Variants in EEF1G observed in about 807,000 individuals in gnomAD.
EEF1G encodes the protein eukaryotic translation elongation factor 1 gamma.
A neutral mutation model predicts 58.3 loss-of-function variants in EEF1G; 14 were observed. That is an observed-to-expected ratio of 0.24 (90% CI 0.16 to 0.38). The LOEUF is 0.38. Ranked by LOEUF, EEF1G falls within the 10% of genes least tolerant of loss-of-function variation. The probability of loss-of-function intolerance (pLI) is 1.00; values close to 1 mark genes in which losing one functional copy is unlikely to be tolerated. For missense variants in EEF1G, 322 were observed against 550.1 expected (o/e 0.59, Z 4.15); for synonymous variants, 180 against 206.8 (o/e 0.87, Z 1.11).
chr11:62,563,158 GCT>G (rs940079692), intron 7 of EEF1G, among the ~76,000 whole-genome samples: 22 of 151,584 alleles, frequency 1.5e-4, no homozygotes, highest in African/African-American at 5.3e-4. Context: ...ACGGAGTCTA[GCT>G]CTGTTGCCCA....
intron 7 of EEF1G, 123 bp downstream of exon 7, chr11:62,566,683 A>G (rs1195035976): frequency 2.1e-6 from 2 of 944,328 alleles, no homozygotes; most frequent in African/African-American, 1.7e-5. Flanking sequence ...TGCAACTAAA[A>G]TATACCTTTA....
chr11:62,571,168 C>G, intron 4 of EEF1G, 60 bp from the exon 5 acceptor site: 1 of 1,610,202 alleles, frequency 6.2e-7, no homozygotes, highest in African/African-American at 1.3e-5. Flanking sequence ...CTCACCTCCC[C>G]CATTAATAGA....
At chr11:62,565,869 T>C (rs772040639) in intron 7 of EEF1G, among the ~76,000 whole-genome samples, 1 of 152,196 alleles carries the variant, frequency 6.6e-6, no homozygotes, top group Non-Finnish European at 1.5e-5. Context: ...ACAGCTACTG[T>C]GTCCCTACCA....
intron 4 of EEF1G, among the ~76,000 whole-genome samples, 161 bp downstream of exon 4, chr11:62,571,379 T>C (rs1192373569): frequency 6.6e-6 from 1 of 152,206 alleles, no homozygotes; most frequent in African/African-American, 2.4e-5. Context: ...ACTTCCTCCA[T>C]CAACTGCCCA....
intron 4 of EEF1G, 100 bp from the exon 5 acceptor site, chr11:62,571,208 T>G: frequency 6.5e-7 from 1 of 1,548,172 alleles, no homozygotes; most frequent in Non-Finnish European, 8.8e-7. Flanking sequence ...CCTAGAAGTC[T>G]GAGCTCACCC....
chr11:62,561,336 G>A (rs1425988090), intron 7 of EEF1G, among the ~76,000 whole-genome samples: 1 of 151,416 alleles, frequency 6.6e-6, no homozygotes, highest in Non-Finnish European at 1.5e-5. Flanking sequence ...CAGAGATCGC[G>A]CCACTGCACT....
chr11:62,573,679 C>A, intron 1 of EEF1G, 152 bp downstream of exon 1: 1 of 1,132,938 alleles, frequency 8.8e-7, no homozygotes, highest in South Asian at 1.3e-5. Context: ...CCCTCCAGGC[C>A]CTAGGAACCC....
At chr11:62,566,772 T>C in intron 7 of EEF1G, 34 bp downstream of exon 7, 2 of 1,606,126 alleles carry the variant, frequency 1.2e-6, no homozygotes, top group Non-Finnish European at 1.7e-6. Flanking sequence ...AGGCCTTCTT[T>C]GGTCCCACAC....
At chr11:62,561,323 G>C (rs1403212435) in intron 7 of EEF1G, among the ~76,000 whole-genome samples, 2 of 151,798 alleles carry the variant, frequency 1.3e-5, no homozygotes, top group Admixed American at 1.3e-4. Context: ...AGGTTGCAGT[G>C]AGCAGAGATC....
chr11:62,569,991 C>A (rs373992247), intron 5 of EEF1G, among the ~76,000 whole-genome samples: 11 of 152,238 alleles, frequency 7.2e-5, no homozygotes, highest in African/African-American at 2.4e-4. Context: ...CCGCATATAA[C>A]CCCTTACCTA....
At chr11:62,564,158 T>C (rs916598366) in intron 7 of EEF1G, among the ~76,000 whole-genome samples, 14 of 152,294 alleles carry the variant, frequency 9.2e-5, no homozygotes, top group East Asian at 1.9e-4. Flanking sequence ...ATATCACTTT[T>C]ATGACATTAA....
At chr11:62,567,035 T>C in intron 6 of EEF1G, 25 bp from the exon 7 acceptor site, 1 of 1,611,484 alleles carries the variant, frequency 6.2e-7, no homozygotes, top group Non-Finnish European at 8.5e-7. Flanking sequence ...GGCAGGAAAG[T>C]GAACGAATGT....
At chr11:62,571,782 C>G in intron 3 of EEF1G, 56 bp downstream of exon 3, 1 of 1,565,882 alleles carries the variant, frequency 6.4e-7, no homozygotes. Flanking sequence ...CACACTTATC[C>G]TCTCCTACAC....
Position 62,560,546 on chromosome 11 carries a change from T to C in EEF1G, c.858-92A>G, listed in dbSNP as rs1941481890. The C allele has an allele frequency of 7.2e-6, 10 of 1,397,544 alleles. 1 individual carries two copies. In the East Asian group the frequency reaches 2.5e-4, roughly 35 times the overall value. The allele number at this position is 1,397,544 out of a possible 1,614,324, so 86.6% of individuals were successfully genotyped here. On this transcript the variant is annotated intron_variant, in intron 7 of 9. Transcript: ENST00000329251. The stretch of plus-strand genomic sequence containing the variant: ...GGTGCTTTCACTTAAAATTTACTAA[T>C]ATAAAGGAAATGGTCATTGTGCTGG...
intron 7 of EEF1G, among the ~76,000 whole-genome samples, chr11:62,562,605 C>T (rs1296207974): frequency 6.6e-6 from 1 of 152,076 alleles, no homozygotes; most frequent in Non-Finnish European, 1.5e-5. Flanking sequence ...CCTCAGCCTC[C>T]CAAGTAGTGG....
intron 5 of EEF1G, 147 bp from the exon 6 acceptor site, chr11:62,567,675 C>T (rs1241222190): frequency 9.3e-6 from 7 of 753,840 alleles, no homozygotes; most frequent in Non-Finnish European, 1.3e-5. Flanking sequence ...ATCATCCTTC[C>T]CTGGATTACT....
In EEF1G at chr11:62,559,599, G is replaced by T. The variant is rs927363027; in HGVS notation, c.*80C>A. 21 of 1,533,926 alleles carry T rather than the reference G, an allele frequency of 1.4e-5. No homozygotes were observed. Among genetic ancestry groups the T allele is most frequent in the Non-Finnish European group, 1.8e-5 (20 of 1,120,206 alleles). ...TCACAAAGGAGGCAGGACAGGAAAG[G>T]GTTCAATGTTCAGTTTCCTTTAATG... is the stretch of plus-strand genomic sequence containing the variant. On this transcript the variant is annotated 3_prime_UTR_variant, in exon 10 of 10. Transcript: ENST00000329251.
At chr11:62,561,666 A>C (rs1165251861) in intron 7 of EEF1G, among the ~76,000 whole-genome samples, 1 of 73,140 alleles carries the variant, frequency 1.4e-5, no homozygotes, top group Admixed American at 1.7e-4. Flanking sequence ...GTCTCAAAAA[A>C]AAAACAAAAA....
At chr11:62,566,332 T>C (rs1941555110) in intron 7 of EEF1G, among the ~76,000 whole-genome samples, 4 of 152,218 alleles carry the variant, frequency 2.6e-5, no homozygotes, top group Admixed American at 2.6e-4. Context: ...TCCTTTTTCT[T>C]AGTGAGCAAT....
Sources: allele counts gnomAD v4.1 joint callset (sites outside exome capture counted in the v4.1 genomes callset), GRCh38; gene constraint gnomAD v4.1.1; transcripts MANE v1.5; gene names NCBI Gene and HGNC (gene_info 2026-07-23, HGNC 2026-07-21).